The following STK31 variants were observed in gnomAD, a reference collection of about 807,000 sequenced individuals.
STK31 encodes the protein serine/threonine kinase 31, also known as serine/threonine-protein kinase 31.
A neutral mutation model predicts 129.7 loss-of-function variants in STK31; 89 were observed. That is an observed-to-expected ratio of 0.69 (90% CI 0.58 to 0.82). The LOEUF (loss-of-function observed/expected upper bound fraction) is 0.82. Among genes scored for constraint, STK31 ranks in the 40% least tolerant of loss-of-function variants. STK31 has a pLI of 0.00. For synonymous variants in STK31, 448 were observed against 395.3 expected, an observed-to-expected ratio of 1.13 and a Z score of -1.58; for missense variants, 1,187 against 1,176.4, an observed-to-expected ratio of 1.01 and a Z score of -0.13.
At chr7:23,730,828 C>G (rs1263613570) in intron 6 of STK31, among the ~76,000 whole-genome samples, 1 of 121,374 alleles carries the variant, frequency 8.2e-6, no homozygotes, top group Admixed American at 9.4e-5. Context: ...TTCAAAGATT[C>G]TTTATATATG....
chr7:23,826,588 G>T (rs1198375453), intron 23 of STK31, among the ~76,000 whole-genome samples: 2 of 152,104 alleles, frequency 1.3e-5, no homozygotes, highest in Non-Finnish European at 2.9e-5. Flanking sequence ...GAAGCATTTA[G>T]CCCATTTACA....
At chr7:23,810,623 A>G (rs954911450) in intron 22 of STK31, among the ~76,000 whole-genome samples, 10 of 138,536 alleles carry the variant, frequency 7.2e-5, no homozygotes, top group Admixed American at 4.0e-4. Flanking sequence ...TATATAATAT[A>G]TATAATAGAT....
chr7:23,755,126 A>G (rs1337625214), intron 10 of STK31: 1 of 152,198 alleles, frequency 6.6e-6, no homozygotes, highest in African/African-American at 2.4e-5. Context: ...ACACTGTGAA[A>G]GTGTTCCTGT....
rs111736239 is a variant in STK31 at position 23,721,834 on chromosome 7, A to G, written c.249+4255A>G. The G allele has an allele frequency of 1.8e-4, 94 of 533,304 alleles. 1 individual carries two copies. The highest frequency in any genetic ancestry group is 1.4e-3 in the African/African-American group (74 of 52,530). The allele number at this position is 533,304 out of a possible 1,614,324, so 33.0% of individuals were successfully genotyped here. ...ATCCTCTACATTCATTTGATCTTCA[A>G]TCAGTGATACCCTTTCTTCCACTTG... is the stretch of plus-strand genomic sequence containing the variant. On this transcript the variant is annotated intron_variant, in intron 4 of 23. Coordinates refer to ENST00000355870, the MANE Select transcript of STK31 (RefSeq NM_031414.5).
chr7:23,791,059 C>CTT lies in STK31; in HGVS notation c.2760+115_2760+116dup, dbSNP rs1791585870. The stretch of plus-strand genomic sequence containing the variant: ...AAAAAGCAGCAGACTTTTAGTAGAA[C>CTT]TTTAAGTTTTAACAAAAACTATTGA... On this transcript the variant is annotated intron_variant, in intron 22 of 23. Coordinates refer to ENST00000355870, the MANE Select transcript of STK31 (RefSeq NM_031414.5). 1.0e-5 allele frequency: 11 copies of CTT among 1,080,308 alleles called. No homozygotes were observed. The South Asian group carries it at 4.1e-4, about 41-fold the overall frequency. 66.9% of individuals were successfully genotyped at this position (1,080,308 alleles called of 1,614,324 possible).
intron 8 of STK31, among the ~76,000 whole-genome samples, chr7:23,749,616 G>A (rs781754615): frequency 4.0e-5 from 6 of 151,602 alleles, no homozygotes; most frequent in Non-Finnish European, 8.8e-5. Context: ...GCCTCCCAAA[G>A]TGCTGGAATT....
intron 6 of STK31, among the ~76,000 whole-genome samples, chr7:23,732,635 TAAAATTAGATTTCTGCA>T (rs1787499954): frequency 6.6e-6 from 1 of 152,198 alleles, no homozygotes; most frequent in African/African-American, 2.4e-5. Context: ...GAGAGAAATC[TAAAATTAGATTTCTGCA>T]TAAAAATTCT....
chr7:23,769,142 C>T lies in STK31; in HGVS notation c.1564C>T (p.Arg522Cys), dbSNP rs531536105. Residue 522 changes from arginine (R) to cysteine (C), a missense_variant, in exon 12 of 24, where the codon CGT becomes TGT. By Grantham distance (180) the Arg-to-Cys change is radical. This residue lies in a region of STK31 where 975 missense variants were observed against 934.9 expected (regional missense o/e 1.04). Coordinates refer to ENST00000355870, the MANE Select transcript of STK31 (RefSeq NM_031414.5). ...AAGTGAAACAGACGCTTCTCTGCAC[C>T]GTCTTGTAGCATGGTTCCAAAGAAC... is the stretch of plus-strand genomic sequence containing the variant. ...VRSETDASLHRLVAWFQRTLK... is the reference protein window; with the variant it reads ...VRSETDASLHCLVAWFQRTLK... 49 of 1,604,286 alleles carry T rather than the reference C, an allele frequency of 3.1e-5. No individual in the cohort carries two copies. In the East Asian group the frequency reaches 4.7e-4, roughly 15 times the overall value.
chr7:23,770,503 T>G (rs1296840488), intron 13 of STK31, among the ~76,000 whole-genome samples: 1 of 152,196 alleles, frequency 6.6e-6, no homozygotes, highest in Non-Finnish European at 1.5e-5. Context: ...GTCTATATAT[T>G]GTTTATAGTT....
At chr7:23,728,628 G>A (rs544362294) in intron 5 of STK31, among the ~76,000 whole-genome samples, 1 of 152,244 alleles carries the variant, frequency 6.6e-6, no homozygotes, top group Admixed American at 6.5e-5. Context: ...GGTAAGGGTG[G>A]TGAATCTGAT....
At position 23,772,130 on chromosome 7, in the gene STK31, A is replaced by G. The variant is rs777302275; in HGVS notation, c.1834-17A>G. ...TTTTCTTATGTGTTTGAAAATACGT[A>G]ACTTTTGTTTACTTAGTTTAAAAAG... On this transcript the variant is annotated splice_polypyrimidine_tract_variant and intron_variant, in intron 14 of 23. Transcript: ENST00000355870. 1.3e-6 allele frequency: 2 copies of G among 1,517,578 alleles called. No individual in the cohort carries two copies. Among genetic ancestry groups the G allele is most frequent in the Admixed American group, 4.4e-5 (2 of 45,732 alleles). 94.0% of individuals were successfully genotyped at this position (1,517,578 alleles called of 1,614,324 possible). A position where few individuals can be genotyped will look rare whatever the true frequency, so the allele number is the denominator to read the frequency against.
At chr7:23,710,484 C>T (rs750781178) in intron 1 of STK31, 149 bp downstream of exon 1, 103 of 1,507,088 alleles carry the variant, frequency 6.8e-5, no homozygotes, top group Non-Finnish European at 9.0e-5. Flanking sequence ...CAGAGGGGTG[C>T]CAGATGCCCC....
At chr7:23,821,129 A>G (rs1403153449) in intron 23 of STK31, among the ~76,000 whole-genome samples, 3 of 152,164 alleles carry the variant, frequency 2.0e-5, no homozygotes, top group East Asian at 1.9e-4. Context: ...CAGGTTTCAT[A>G]TACTGATTTC....
intron 22 of STK31, among the ~76,000 whole-genome samples, chr7:23,792,623 A>G (rs1231782829): frequency 6.6e-6 from 1 of 152,226 alleles, no homozygotes; most frequent in Non-Finnish European, 1.5e-5. Context: ...TTTACAATTA[A>G]TATAAAAATG....
At chr7:23,825,284 T>C (rs1279611703) in intron 23 of STK31, among the ~76,000 whole-genome samples, 1 of 152,240 alleles carries the variant, frequency 6.6e-6, no homozygotes, top group Non-Finnish European at 1.5e-5. Context: ...GAGCCTGTTA[T>C]TGGTCTATTC....
upstream of STK31, chr7:23,710,213 G>C: frequency 6.2e-7 from 1 of 1,609,294 alleles, no homozygotes; most frequent in Non-Finnish European, 8.5e-7. Context: ...GCAGTGTGGG[G>C]CCCTTGCGGT....
At chr7:23,796,948 A>G (rs374980337) in intron 22 of STK31, among the ~76,000 whole-genome samples, 17 of 150,504 alleles carry the variant, frequency 1.1e-4, no homozygotes, top group Admixed American at 3.3e-4. Flanking sequence ...CAAAAAAAAA[A>G]GCAGGGATTG....
Position 23,832,447 on chromosome 7 carries a change from G to C in STK31, c.*81G>C. ...CACAGAAATATCTAGAAATGTTCTGGGACTAGTTGAGTTGTATCTTTAGTA... is the reference window on the plus strand; with the variant it reads ...CACAGAAATATCTAGAAATGTTCTGCGACTAGTTGAGTTGTATCTTTAGTA... On this transcript the variant is annotated 3_prime_UTR_variant, in exon 24 of 24. Coordinates refer to ENST00000355870, the MANE Select transcript of STK31 (RefSeq NM_031414.5). 9.9e-7 allele frequency: 1 copy of C among 1,007,188 alleles called. No homozygotes were observed. The highest frequency in any genetic ancestry group is 1.6e-5 in the African/African-American group (1 of 61,654). 62.4% of individuals were successfully genotyped at this position (1,007,188 alleles called of 1,614,324 possible). A position where few individuals can be genotyped will look rare whatever the true frequency, so the allele number is the denominator to read the frequency against.
chr7:23,774,833 G>A (rs984666847), intron 15 of STK31, among the ~76,000 whole-genome samples: 5 of 151,884 alleles, frequency 3.3e-5, no homozygotes, highest in South Asian at 2.1e-4. Flanking sequence ...TTGGTGTTTT[G>A]GACATGAAGT....
Sources: allele counts gnomAD v4.1 joint callset (sites outside exome capture counted in the v4.1 genomes callset), GRCh38; gene constraint gnomAD v4.1.1; regional missense constraint gnomAD v4.1.1; transcripts MANE v1.5; gene names NCBI Gene and HGNC (gene_info 2026-07-23, HGNC 2026-07-21).